The following ZNF821 variants were observed in gnomAD, a reference collection of about 807,000 sequenced individuals.
The protein encoded by ZNF821 is zinc finger protein 821.
A neutral mutation model predicts 44.3 loss-of-function variants in ZNF821; 16 were observed. That is an observed-to-expected ratio of 0.36 (90% CI 0.24 to 0.55). The LOEUF (loss-of-function observed/expected upper bound fraction) is 0.55. Ranked by LOEUF, ZNF821 falls within the 20% of genes least tolerant of loss-of-function variation. The pLI is 0.86. For synonymous variants in ZNF821, 204 were observed against 197.6 expected, an observed-to-expected ratio of 1.03 and a Z score of -0.27; for missense variants, 436 against 547.6, an observed-to-expected ratio of 0.80 and a Z score of 2.03.
rs1003555342 is a variant in ZNF821 at position 71,864,828 on chromosome 16, A to G, written c.312+75T>C. 1.8e-5 allele frequency: 29 copies of G among 1,579,546 alleles called. No individual in the cohort carries two copies. The Admixed American group carries it at 1.9e-4, about 10-fold the overall frequency. ...ACCATCAGAGGCAAGACTGTGCCAC[A>G]GGGGTGAGCAGCATCAGGGCAGGCA... On this transcript the variant is annotated intron_variant, in intron 5 of 7. Coordinates refer to ENST00000425432, the MANE Select transcript of ZNF821 (RefSeq NM_001201552.2).
At chr16:71,890,917 G>A (rs1344451191) in intron 1 of ZNF821, among the ~76,000 whole-genome samples, 2 of 151,576 alleles carry the variant, frequency 1.3e-5, no homozygotes, top group African/African-American at 2.4e-5. Flanking sequence ...GACTACAGGC[G>A]CCCGCACCAC....
chr16:71,862,078 C>T (rs1449054509), intron 6 of ZNF821, 136 bp from the exon 7 acceptor site: 2 of 1,033,152 alleles, frequency 1.9e-6, no homozygotes, highest in East Asian at 5.2e-5. Flanking sequence ...TGTTTAGCCC[C>T]TAGAAAAGTC....
At chr16:71,873,090 G>C (rs1047974949) in intron 3 of ZNF821, among the ~76,000 whole-genome samples, 1 of 152,232 alleles carries the variant, frequency 6.6e-6, no homozygotes, top group African/African-American at 2.4e-5. Flanking sequence ...GGGAGGCTGA[G>C]GTGGGCAGAT....
At chr16:71,882,548 T>C (rs1283431742) in intron 2 of ZNF821, among the ~76,000 whole-genome samples, 7 of 152,172 alleles carry the variant, frequency 4.6e-5, no homozygotes, top group Non-Finnish European at 1.0e-4. Flanking sequence ...CGTATTTAAA[T>C]CAGCAATGCC....
chr16:71,876,786 T>C (rs914243299), intron 3 of ZNF821, among the ~76,000 whole-genome samples: 1 of 152,086 alleles, frequency 6.6e-6, no homozygotes, highest in Non-Finnish European at 1.5e-5. Context: ...TTTTGTATTT[T>C]TGGTACAGAT....
intron 3 of ZNF821, among the ~76,000 whole-genome samples, chr16:71,870,583 G>A (rs1987297): frequency 6.6e-6 from 1 of 151,050 alleles, no homozygotes; most frequent in African/African-American, 2.4e-5. Context: ...GTGTTCAAGA[G>A]ATTCTCCTGC....
Position 71,879,948 on chromosome 16 carries a change from T to C in ZNF821, c.-2A>G, listed in dbSNP as rs1423037668. 6.2e-7 allele frequency: 1 copy of C among 1,613,372 alleles called. No homozygotes were observed. The highest frequency in any genetic ancestry group is 8.5e-7 in the Non-Finnish European group (1 of 1,179,778). ...ATTTGTCTGTTTCCGACGGGACATG[T>C]TTCCCTGATGCAAGAGCTCTGGTCT... On this transcript the variant is annotated 5_prime_UTR_variant, in exon 3 of 8. Transcript: ENST00000425432.
At chr16:71,862,396 A>G (rs2033999283) in intron 6 of ZNF821, among the ~76,000 whole-genome samples, 1 of 152,142 alleles carries the variant, frequency 6.6e-6, no homozygotes, top group Non-Finnish European at 1.5e-5. Context: ...AATCACTTGA[A>G]CCTGAGAGGT....
At chr16:71,867,479 G>A (rs919838124) in intron 4 of ZNF821, among the ~76,000 whole-genome samples, 1 of 152,100 alleles carries the variant, frequency 6.6e-6, no homozygotes, top group Non-Finnish European at 1.5e-5. Flanking sequence ...CTGAGGTCAG[G>A]AGTTCGATAC....
exon 1 of ZNF821, chr16:71,895,008 G>GCCCGCTTA: frequency 5.0e-6 from 3 of 594,584 alleles, no homozygotes; most frequent in Non-Finnish European, 8.8e-6. Context: ...AAGCGGGGCG[G>GCCCGCTTA]GGGAACGCTT....
Position 71,879,861 on chromosome 16 carries a change from A to C in ZNF821, c.40+46T>G, listed in dbSNP as rs745973045. 4 of 1,582,706 alleles carry C rather than the reference A, an allele frequency of 2.5e-6. No homozygotes were observed. In the African/African-American group the frequency reaches 5.4e-5, roughly 22 times the overall value. ...TAAATTCAGGTTACTCTTCCATTCC[A>C]CCCCTTAGCATTCCCAGGTTCCAGA... On this transcript the variant is annotated intron_variant, in intron 3 of 7. Transcript: ENST00000425432.
At chr16:71,870,683 T>C (rs534750931) in intron 3 of ZNF821, among the ~76,000 whole-genome samples, 1 of 152,138 alleles carries the variant, frequency 6.6e-6, no homozygotes, top group African/African-American at 2.4e-5. Flanking sequence ...TTTCACCATG[T>C]TGGCCAGGCT....
intron 3 of ZNF821, among the ~76,000 whole-genome samples, chr16:71,873,846 T>A (rs922104862): frequency 1.3e-5 from 2 of 151,862 alleles, no homozygotes; most frequent in Non-Finnish European, 2.9e-5. Flanking sequence ...AGAAATCAGG[T>A]CCCACTATGT....
At chr16:71,891,144 T>C (rs777057435) in intron 1 of ZNF821, among the ~76,000 whole-genome samples, 1 of 152,154 alleles carries the variant, frequency 6.6e-6, no homozygotes, top group Admixed American at 6.6e-5. Context: ...ACAAAACAGG[T>C]TGGCTGATTA....
intron 3 of ZNF821, among the ~76,000 whole-genome samples, chr16:71,869,528 C>G (rs1451672220): frequency 6.6e-6 from 1 of 151,330 alleles, no homozygotes; most frequent in East Asian, 1.9e-4. Flanking sequence ...CACCTTAATT[C>G]TCTGCAAAAC....
intron 1 of ZNF821, among the ~76,000 whole-genome samples, chr16:71,893,772 CTT>C (rs58034283): frequency 4.9e-5 from 7 of 141,802 alleles, no homozygotes; most frequent in Admixed American, 1.4e-4. Context: ...AAAATCTGCA[CTT>C]TTTTTTTTTT....
exon 1 of ZNF821, chr16:71,894,901 G>A (rs748408385): frequency 7.5e-7 from 1 of 1,340,930 alleles, no homozygotes; most frequent in South Asian, 1.3e-5. Context: ...AGATAAATTA[G>A]GGAAATCGCC....
At chr16:71,883,400 C>G (rs1276633542) in intron 1 of ZNF821, 127 bp from the exon 2 acceptor site, 2 of 353,042 alleles carry the variant, frequency 5.7e-6, no homozygotes, top group Admixed American at 7.5e-5. Flanking sequence ...AAGCATGAGC[C>G]CAGGTAAATT....
intron 1 of ZNF821, chr16:71,883,653 G>C (rs945600332): frequency 1.3e-5 from 2 of 152,288 alleles, no homozygotes; most frequent in African/African-American, 2.4e-5. Context: ...GGGTGCCCGC[G>C]GCCCGCGCAA....
Sources: gnomAD v4.1 joint callset for allele counts (sites outside exome capture counted in the v4.1 genomes callset) on GRCh38, gnomAD v4.1.1 for gene constraint, MANE v1.5 for transcripts, NCBI Gene and HGNC (gene_info 2026-07-23, HGNC 2026-07-21) for gene names.